PRSS50: variants seen among roughly 807,000 people sequenced by gnomAD.
The protein encoded by PRSS50 is probable threonine protease PRSS50.
A neutral mutation model predicts 34.2 loss-of-function variants in PRSS50; 23 were observed. The ratio of observed to expected loss-of-function variants is 0.67; its 90% confidence interval spans 0.48 to 0.95. The LOEUF is 0.95. Ranked by LOEUF, PRSS50 falls within the 40% of genes least tolerant of loss-of-function variation. The probability of loss-of-function intolerance (pLI) is 0.00; values close to 1 mark genes in which losing one functional copy is unlikely to be tolerated. For missense variants in PRSS50, 484 were observed against 513.4 expected (o/e 0.94, Z 0.55); for synonymous variants, 224 against 211.2 (o/e 1.06, Z -0.53).
rs373475260 is a variant in PRSS50 at position 46,717,683 on chromosome 3, G to T, written c.106+36C>A. ...ATTAGAGGTGGAAGGCGAGGGCCGC[G>T]TCAGGCGGGTGGGGTAGGGATCGGG... On this transcript the variant is annotated intron_variant, in intron 1 of 5. Coordinates refer to ENST00000315170, the MANE Select transcript of PRSS50 (RefSeq NM_013270.5). This position sits in a 1 kb window ranked among gnomAD's most constrained non-coding sequence, Gnocchi z 4.5. The T allele has an allele frequency of 1.2e-6, 2 of 1,600,412 alleles. No individual in the cohort carries two copies. Among genetic ancestry groups the T allele is most frequent in the African/African-American group, 1.3e-5 (1 of 74,816 alleles).
intron 4 of PRSS50, 61 bp downstream of exon 4, chr3:46,714,157 T>C: frequency 6.4e-7 from 1 of 1,566,996 alleles, no homozygotes; most frequent in Non-Finnish European, 8.7e-7. Context: ...GGTGGCACCC[T>C]GGCCTGCACC....
At chr3:46,712,626 G>C (rs1392576148) in intron 5 of PRSS50, 144 bp from the exon 6 acceptor site, 1 of 825,144 alleles carries the variant, frequency 1.2e-6, no homozygotes, top group Non-Finnish European at 1.9e-6. Context: ...CCAGACCCAG[G>C]AGCTCTTCCT....
At position 46,712,290 on chromosome 3, in the gene PRSS50, G is replaced by A. The variant is rs1260988185; in HGVS notation, c.1114C>T (p.Leu372Phe). ...CTGAGGGGCAGTGGGAGTGCCAGGA[G>A]CAGGGTCCTGGATGGGGCTGGCAGG... ...LALPAPSRTL[L>F]LALPLPLSLL... is the part of the protein sequence containing the mutation. Residue 372 changes from leucine to phenylalanine, a missense_variant, in exon 6 of 6, where the codon CTC becomes TTC. By Grantham distance (22) the Leu-to-Phe change is conservative. Coordinates refer to ENST00000315170, the MANE Select transcript of PRSS50 (RefSeq NM_013270.5). 1.2e-6 allele frequency: 2 copies of A among 1,612,784 alleles called. No individual in the cohort carries two copies. Among genetic ancestry groups the A allele is most frequent in the South Asian group, 1.1e-5 (1 of 90,754 alleles).
At position 46,717,469 on chromosome 3, in the gene PRSS50, G is replaced by C; in HGVS notation, c.275C>G (p.Pro92Arg). Residue 92 changes from proline (P) to arginine (R), a missense_variant, in exon 2 of 6, where the codon CCA becomes CGA. Transcript: ENST00000315170. This position sits in a 1 kb window ranked among gnomAD's most constrained non-coding sequence, Gnocchi z 4.5. The part of the protein sequence containing the change: ...LPSTTMETQF[P>R]VSEGKVDPYR... ...TGGGTCGACTTTGCCTTCAGAAACT[G>C]GGAATTGGGTCTCCATGGTGGTCGA... 6.2e-7 allele frequency: 1 copy of C among 1,614,030 alleles called. No homozygotes were observed. Among genetic ancestry groups the C allele is most frequent in the Non-Finnish European group, 8.5e-7 (1 of 1,180,010 alleles).
rs1054373500 is a variant in PRSS50 at position 46,716,109 on chromosome 3, G to A, written c.308-412C>T. Among the ~76,000 whole-genome samples the A allele has an allele frequency of 1.1e-4, 16 of 152,164 alleles. No individual in the cohort carries two copies. The highest frequency in any genetic ancestry group is 3.1e-4 in the African/African-American group (13 of 41,424). ...CCTCCTCTGGGAACCCCTTTCTGTG[G>A]CTCAGTGAGAGGAAAGTGGATGCCC... On this transcript the variant is annotated intron_variant, in intron 2 of 5. Transcript: ENST00000315170. The surrounding 1 kb of genome is among the most constrained non-coding windows in gnomAD (Gnocchi z 4.4).
Position 46,714,511 on chromosome 3 carries a change from C to G in PRSS50, c.471-10G>C, listed in dbSNP as rs60455130. ...GTAGATAACATCACGCCTAGGGGGG[C>G]CGTGAGGGGAGGCCATGATCAGCTC... is the stretch of plus-strand genomic sequence containing the variant. On this transcript the variant is annotated splice_polypyrimidine_tract_variant and intron_variant, in intron 3 of 5. Transcript: ENST00000315170. 46,399 of 1,562,448 alleles carry G rather than the reference C, an allele frequency of 0.03. 1,069 individuals carry two copies. Among genetic ancestry groups the G allele is most frequent in the African/African-American group, 0.12 (8,672 of 74,022 alleles).
At position 46,716,866 on chromosome 3, in the gene PRSS50, C is replaced by T. The variant is rs1404674117; in HGVS notation, c.307+571G>A. 6.6e-6 allele frequency among the ~76,000 whole-genome samples: 1 copy of T among 152,226 alleles called. No homozygotes were observed. Among genetic ancestry groups the T allele is most frequent in the Non-Finnish European group, 1.5e-5 (1 of 68,036 alleles). ...ACATAGGCAAGAAAACATCGGCATG[C>T]ACAGCACAGGGTACTGGAAGTCCTG... is the stretch of plus-strand genomic sequence containing the variant. On this transcript the variant is annotated intron_variant, in intron 2 of 5. Coordinates refer to ENST00000315170, the MANE Select transcript of PRSS50 (RefSeq NM_013270.5). The surrounding 1 kb of genome is among the most constrained non-coding windows in gnomAD (Gnocchi z 4.4).
rs551188410 is a variant in PRSS50, at chr3:46,712,557, G to A, written c.922-75C>T. The A allele has an allele frequency of 1.3e-4, 186 of 1,384,916 alleles. No homozygotes were observed. In the African/African-American group the frequency reaches 2.1e-3, roughly 15 times the overall value. The allele number at this position is 1,384,916 out of a possible 1,614,324, so 85.8% of individuals were successfully genotyped here. Reference sequence around the variant, plus strand: ...GAGACGACCCAGCTCCAGGACAGGCGGGATGTCCTCACACCACACCTCCAC... The same window carrying A: ...GAGACGACCCAGCTCCAGGACAGGCAGGATGTCCTCACACCACACCTCCAC... On this transcript the variant is annotated intron_variant, in intron 5 of 5. Transcript: ENST00000315170.
At chr3:46,715,000 C>G (rs1700661735) in intron 3 of PRSS50, among the ~76,000 whole-genome samples, 2 of 152,228 alleles carry the variant, frequency 1.3e-5, no homozygotes, top group Admixed American at 1.3e-4. Context: ...TCAGCTCTCA[C>G]AGCCAGCACT....
At chr3:46,714,627 C>T (rs1700657953) in intron 3 of PRSS50, 126 bp from the exon 4 acceptor site, 4 of 1,058,270 alleles carry the variant, frequency 3.8e-6, no homozygotes, top group African/African-American at 1.6e-5. Context: ...CCGCTTCAAG[C>T]CCCCTGAGCC....
Position 46,715,257 on chromosome 3 carries a change from G to A in PRSS50, c.470+278C>T, listed in dbSNP as rs1232020674. Among the ~76,000 whole-genome samples the A allele has an allele frequency of 6.6e-6, 1 of 152,246 alleles. No individual in the cohort carries two copies. The highest frequency in any genetic ancestry group is 2.4e-5 in the African/African-American group (1 of 41,470). Reference sequence around the variant, plus strand: ...AGAACTAGGAGCTTCTTCCCGTGGAGAGGAGGCATGAGGCCAGACAAATGG... The same window carrying A: ...AGAACTAGGAGCTTCTTCCCGTGGAAAGGAGGCATGAGGCCAGACAAATGG... On this transcript the variant is annotated intron_variant, in intron 3 of 5. Transcript: ENST00000315170. This position sits in a 1 kb window ranked among gnomAD's most constrained non-coding sequence, Gnocchi z 5.2.
chr3:46,713,137 C>A, intron 4 of PRSS50, 70 bp from the exon 5 acceptor site: 1 of 1,561,754 alleles, frequency 6.4e-7, no homozygotes, highest in Non-Finnish European at 8.7e-7. Flanking sequence ...CACTCGTCCT[C>A]TCTCCACTGT....
chr3:46,712,451 A>G lies in PRSS50; in HGVS notation c.953T>C (p.Met318Thr). 1.2e-6 allele frequency: 2 copies of G among 1,614,078 alleles called. No individual in the cohort carries two copies. The highest frequency in any genetic ancestry group is 1.7e-6 in the Non-Finnish European group (2 of 1,179,974). ...ELTGEPLVCSMEGTWYLVGLV... is the reference protein window; with the variant it reads ...ELTGEPLVCSTEGTWYLVGLV... ...TCCCACCAGGTACCACGTGCCCTCC[A>G]TGGAGCAGACCAAGGGCTCTCCAGT... is the stretch of plus-strand genomic sequence containing the variant. Residue 318 changes from methionine (M) to threonine (T), a missense_variant, in exon 6 of 6, where the codon ATG becomes ACG. Transcript: ENST00000315170.
Position 46,714,501 on chromosome 3 carries a change from C to A in PRSS50, c.471G>T (p.Trp157Cys). The A allele has an allele frequency of 6.3e-7, 1 of 1,575,792 alleles. No homozygotes were observed. Reference protein sequence around the residue: ...WVLTVAHCLIWRDVIYSVRVG... With the variant: ...WVLTVAHCLICRDVIYSVRVG... The stretch of plus-strand genomic sequence containing the variant: ...CCCTCACTGAGTAGATAACATCACG[C>A]CTAGGGGGGCCGTGAGGGGAGGCCA... Residue 157 changes from tryptophan to cysteine, a missense_variant and splice_region_variant, in exon 4 of 6, where the codon TGG becomes TGT. Physicochemically the swap from Trp to Cys is radical, Grantham distance 215 (BLOSUM62 -2). Transcript: ENST00000315170.
chr3:46,713,320 CT>C (rs1700642639), intron 4 of PRSS50, among the ~76,000 whole-genome samples: 1 of 152,246 alleles, frequency 6.6e-6, no homozygotes, highest in Non-Finnish European at 1.5e-5. Flanking sequence ...TTGACACCAC[CT>C]CCACCACACT....
In PRSS50 at chr3:46,716,074, G is replaced by A. The variant is rs1700680585; in HGVS notation, c.308-377C>T. The stretch of plus-strand genomic sequence containing the variant: ...CATGTCCCCTACTTCAGCCAAGGCA[G>A]AGCTCTCTCCCTCCTCTGGGAACCC... On this transcript the variant is annotated intron_variant, in intron 2 of 5. Coordinates refer to ENST00000315170, the MANE Select transcript of PRSS50 (RefSeq NM_013270.5). This position sits in a 1 kb window ranked among gnomAD's most constrained non-coding sequence, Gnocchi z 4.4. Among the ~76,000 whole-genome samples, 2 of 152,160 alleles carry A rather than the reference G, an allele frequency of 1.3e-5. No homozygotes were observed. Among genetic ancestry groups the A allele is most frequent in the Admixed American group, 6.5e-5 (1 of 15,278 alleles).
chr3:46,713,203 C>CTAGATGGGTATGGGCTAG, intron 4 of PRSS50, 136 bp from the exon 5 acceptor site: 1 of 1,100,358 alleles, frequency 9.1e-7, no homozygotes, highest in Non-Finnish European at 1.3e-6. Flanking sequence ...CGTTCTAGCC[C>CTAGATGGGTATGGGCTAG]ATACCCATCT....
intron 4 of PRSS50, among the ~76,000 whole-genome samples, chr3:46,713,356 T>C (rs1700643098): frequency 6.6e-6 from 1 of 152,204 alleles, no homozygotes; most frequent in Non-Finnish European, 1.5e-5. Flanking sequence ...TTGCCACTCC[T>C]TCCCTCCTGA....
intron 5 of PRSS50, 124 bp from the exon 6 acceptor site, chr3:46,712,606 G>T: frequency 1.1e-6 from 1 of 933,118 alleles, no homozygotes. Flanking sequence ...CAACATAGGT[G>T]AGAAGTGCTC....
Sources: allele counts gnomAD v4.1 joint callset (sites outside exome capture counted in the v4.1 genomes callset), GRCh38; gene constraint gnomAD v4.1.1; non-coding constraint Gnocchi (gnomAD v3.1); transcripts MANE v1.5; gene names NCBI Gene and HGNC (gene_info 2026-07-23, HGNC 2026-07-21).